Variants in ACLY observed in about 807,000 individuals in gnomAD.
ACLY encodes ATP-citrate synthase.
ACLY carries 41 observed loss-of-function variants against 133.0 expected under a neutral mutation model. The ratio of observed to expected loss-of-function variants is 0.31; its 90% CI spans 0.24 to 0.40. The LOEUF (loss-of-function observed/expected upper bound fraction) is 0.40, where lower values mean the gene tolerates loss of function less well. Among genes scored for constraint, ACLY ranks in the 10% least tolerant of loss-of-function variants. The pLI is 1.00. For synonymous variants in ACLY, 495 were observed against 549.3 expected (o/e 0.90, Z 1.38); for missense variants, 1,046 against 1,453.8 (o/e 0.72, Z 4.56).
In ACLY at chr17:41,918,675, G is replaced by A. The variant is rs1283071331; in HGVS notation, c.-24+205C>T. 2.6e-5 allele frequency among the ~76,000 whole-genome samples: 4 copies of A among 152,210 alleles called. No homozygotes were observed. The East Asian group carries it at 7.7e-4, about 29-fold the overall frequency. On this transcript the variant is annotated intron_variant, in intron 1 of 28. Coordinates refer to ENST00000352035, the MANE Select transcript of ACLY (RefSeq NM_001096.3). ...AACTGGAATATGTGTGTGTCGCGCG[G>A]GGGGAGGGGAGGGGCGTCGACACGC...
intron 28 of ACLY, 109 bp downstream of exon 28, chr17:41,868,600 T>TAAAAAAAAAAAAAAAAAA (rs372744524): frequency 2.0e-6 from 1 of 498,730 alleles, no homozygotes. Flanking sequence ...AAAAGAAAAT[T>TAAAAAAAAAAAAAAAAAA]AAAAAAAAAA....
At position 41,878,606 on chromosome 17, in the gene ACLY, C is replaced by T. The variant is rs80121375; in HGVS notation, c.2393+191G>A. Among the ~76,000 whole-genome samples the T allele has an allele frequency of 3.3e-3, 503 of 152,204 alleles. 6 individuals are homozygous for T. Among genetic ancestry groups the T allele is most frequent in the African/African-American group, 0.011 (471 of 41,526 alleles). On this transcript the variant is annotated intron_variant, in intron 21 of 28. Transcript: ENST00000352035. ...AACACATTTTAATACCAGCCTAGAC[C>T]TACTGCCTCCACAAACTAAATAAAA...
chr17:41,916,535 A>G (rs2050056851), intron 1 of ACLY, among the ~76,000 whole-genome samples: 1 of 33,558 alleles, frequency 3.0e-5, no homozygotes, highest in African/African-American at 6.0e-5. Flanking sequence ...CACCACGCCC[A>G]TCTAATTTTT....
intron 1 of ACLY, among the ~76,000 whole-genome samples, chr17:41,926,552 G>C (rs957781351): frequency 2.0e-5 from 3 of 152,144 alleles, no homozygotes; most frequent in Admixed American, 6.6e-5. Context: ...GCAATGGCAC[G>C]ATCTTGGCTC....
intron 16 of ACLY, among the ~76,000 whole-genome samples, chr17:41,889,234 A>G (rs1379182950): frequency 3.9e-5 from 6 of 152,102 alleles, no homozygotes; most frequent in Non-Finnish European, 7.4e-5. Flanking sequence ...CTAAAGAAGC[A>G]GCAGCCGGAC....
intron 22 of ACLY, among the ~76,000 whole-genome samples, chr17:41,875,960 C>T (rs1740295783): frequency 6.7e-6 from 1 of 150,088 alleles, no homozygotes; most frequent in African/African-American, 2.5e-5. Flanking sequence ...AAGTGAGGAG[C>T]GTCTCTGCCC....
At chr17:41,903,122 G>A (rs558793694) in intron 10 of ACLY, among the ~76,000 whole-genome samples, 93 of 152,194 alleles carry the variant, frequency 6.1e-4, no homozygotes, top group African/African-American at 1.6e-3. Flanking sequence ...TTTCAAGTTT[G>A]ACACTTATCT....
At chr17:41,879,237 C>A (rs868961080) in intron 20 of ACLY, among the ~76,000 whole-genome samples, 4 of 151,940 alleles carry the variant, frequency 2.6e-5, no homozygotes, top group African/African-American at 7.2e-5. Flanking sequence ...ACCCGAGTAG[C>A]TAGGATTACA....
intron 3 of ACLY, among the ~76,000 whole-genome samples, chr17:41,911,335 G>A (rs2049895279): frequency 6.6e-6 from 1 of 152,172 alleles, no homozygotes; most frequent in South Asian, 2.1e-4. Context: ...ACAGAGCCAG[G>A]TGTGGATGGC....
At chr17:41,871,652 G>A in intron 25 of ACLY, 37 bp downstream of exon 25, 1 of 1,612,680 alleles carries the variant, frequency 6.2e-7, no homozygotes, top group Non-Finnish European at 8.5e-7. Context: ...ACCGCGCCTG[G>A]CCTCCATCCC....
At chr17:41,917,134 CA>C (rs35545409) in intron 1 of ACLY, among the ~76,000 whole-genome samples, 3,889 of 53,556 alleles carry the variant, frequency 0.073, 86 homozygotes, top group African/African-American at 0.21. Flanking sequence ...GACTCTGTCT[CA>C]AAAAAAAAAA....
At chr17:41,905,500 T>A (rs146549473) in intron 9 of ACLY, 22 bp downstream of exon 9, 4 of 1,614,016 alleles carry the variant, frequency 2.5e-6, no homozygotes, top group Non-Finnish European at 3.4e-6. Flanking sequence ...GGGACAGGTA[T>A]GTGTGTGTGC....
Position 41,904,797 on chromosome 17 carries a change from T to G in ACLY, c.1004-7A>C, listed in dbSNP as rs782479180. ...CCAATGATGAGGATCTTGCCTGGAT[T>G]TGGAGTAAGAGAGAATCAAAAACAG... On this transcript the variant is annotated splice_region_variant and splice_polypyrimidine_tract_variant and intron_variant, in intron 9 of 28. Coordinates refer to ENST00000352035, the MANE Select transcript of ACLY (RefSeq NM_001096.3). The G allele has an allele frequency of 1.2e-6, 2 of 1,613,340 alleles. No homozygotes were observed. Among genetic ancestry groups the G allele is most frequent in the South Asian group, 2.2e-5 (2 of 91,048 alleles).
chr17:41,912,580 A>T (rs782718216), intron 2 of ACLY, 38 bp from the exon 3 acceptor site: 19 of 1,613,148 alleles, frequency 1.2e-5, no homozygotes, highest in Non-Finnish European at 1.5e-5. Flanking sequence ...GTGAGGAAGA[A>T]TTAGATAAAC....
intron 6 of ACLY, among the ~76,000 whole-genome samples, chr17:41,908,662 G>A (rs2049799280): frequency 6.6e-6 from 1 of 152,220 alleles, no homozygotes; most frequent in South Asian, 2.1e-4. Context: ...TACTCGGAAG[G>A]CTGAGGCAGA....
chr17:41,868,808 G>C (rs2048529385), intron 27 of ACLY, 23 bp from the exon 28 acceptor site: 1 of 1,611,550 alleles, frequency 6.2e-7, no homozygotes, highest in Admixed American at 1.7e-5. Flanking sequence ...TCAACTTGTA[G>C]TTTTAAAAGG....
chr17:41,919,096 G>A, upstream of ACLY: 1 of 1,196,426 alleles, frequency 8.4e-7, no homozygotes, highest in Non-Finnish European at 1.1e-6. Context: ...ATTCGCTGCT[G>A]GCTTGGCTCC....
intron 8 of ACLY, among the ~76,000 whole-genome samples, chr17:41,906,115 G>T (rs1435013229): frequency 1.3e-5 from 2 of 152,172 alleles, no homozygotes; most frequent in Non-Finnish European, 2.9e-5. Context: ...ATTGTAAAGG[G>T]TGTAGAATAT....
At chr17:41,914,551 C>G (rs2049998624) in intron 1 of ACLY, among the ~76,000 whole-genome samples, 1 of 152,172 alleles carries the variant, frequency 6.6e-6, no homozygotes, top group Non-Finnish European at 1.5e-5. Flanking sequence ...GCTCTTTTCT[C>G]CTCTTTTCTC....
Sources: gnomAD v4.1 joint callset for allele counts (sites outside exome capture counted in the v4.1 genomes callset) on GRCh38, gnomAD v4.1.1 for gene constraint, MANE v1.5 for transcripts, NCBI Gene and HGNC (gene_info 2026-07-23, HGNC 2026-07-21) for gene names.